The following DPP6 variants were observed in gnomAD, a reference collection of about 807,000 sequenced individuals.
The protein encoded by DPP6 is dipeptidyl peptidase like 6.
Under a neutral mutation model 122.6 loss-of-function variants are expected in DPP6, and 69 were observed. The observed-to-expected ratio is 0.56, with a 90% confidence interval of 0.46 to 0.69. The LOEUF (loss-of-function observed/expected upper bound fraction) is 0.69, where lower values mean the gene tolerates loss of function less well. Among genes scored for constraint, DPP6 ranks in the 30% least tolerant of loss-of-function variants. DPP6 has a pLI of 0.00. For synonymous variants in DPP6, 418 were observed against 433.1 expected (o/e 0.97, Z 0.43); for missense variants, 928 against 1,116.9 (o/e 0.83, Z 2.41).
chr7:154,392,658 C>T (rs973221444), intron 1 of DPP6, among the ~76,000 whole-genome samples: 1 of 152,176 alleles, frequency 6.6e-6, no homozygotes, highest in Admixed American at 6.5e-5. Context: ...CTTGTTAGTC[C>T]TCAGTTAATT....
chr7:154,214,841 C>G (rs1394966090), intron 1 of DPP6, among the ~76,000 whole-genome samples: 1 of 152,074 alleles, frequency 6.6e-6, no homozygotes, highest in Admixed American at 6.5e-5. Context: ...TGGCTTGAGT[C>G]CAGAAAGTCA....
chr7:154,305,642 G>T (rs953993954), intron 1 of DPP6: 3 of 1,495,486 alleles, frequency 2.0e-6, no homozygotes, highest in Admixed American at 2.0e-5. Flanking sequence ...GAGACAGAGA[G>T]GGAGGATATG....
At chr7:154,023,539 T>C (rs984410341) in intron 1 of DPP6, among the ~76,000 whole-genome samples, 1 of 151,676 alleles carries the variant, frequency 6.6e-6, no homozygotes, top group Non-Finnish European at 1.5e-5. Flanking sequence ...TGGAGTCCAA[T>C]GGTACGATCT....
At chr7:154,272,558 G>C (rs1186407467) in intron 1 of DPP6, among the ~76,000 whole-genome samples, 2 of 152,130 alleles carry the variant, frequency 1.3e-5, no homozygotes, top group African/African-American at 4.8e-5. Flanking sequence ...ATTCAATTTT[G>C]AAAATTGGGG....
At chr7:154,273,332 G>T (rs1481456745) in intron 1 of DPP6, among the ~76,000 whole-genome samples, 1 of 152,110 alleles carries the variant, frequency 6.6e-6, no homozygotes, top group African/African-American at 2.4e-5. Flanking sequence ...CAGGACCACA[G>T]GCACACATCC....
chr7:154,146,409 G>A (rs1186601803), intron 1 of DPP6, among the ~76,000 whole-genome samples: 1 of 147,304 alleles, frequency 6.8e-6, no homozygotes, highest in East Asian at 2.1e-4. Flanking sequence ...TGTGTACCCT[G>A]ATACCTAACA....
intron 3 of DPP6, among the ~76,000 whole-genome samples, chr7:154,484,250 G>C (rs1204030397): frequency 6.6e-6 from 1 of 152,200 alleles, no homozygotes; most frequent in African/African-American, 2.4e-5. Context: ...CACCGCATCT[G>C]TGACCAACAG....
chr7:154,176,624 G>A (rs1358625431), intron 1 of DPP6, among the ~76,000 whole-genome samples: 2 of 152,184 alleles, frequency 1.3e-5, no homozygotes, highest in Non-Finnish European at 2.9e-5. Flanking sequence ...CAGAAGCACT[G>A]CTCTTGTCTG....
chr7:154,605,893 C>T lies in DPP6; in HGVS notation c.628-31928C>T, dbSNP rs1258702680. Among the ~76,000 whole-genome samples, 2 of 119,460 alleles carry T rather than the reference C, an allele frequency of 1.7e-5. 1 individual carries two copies. Among genetic ancestry groups the T allele is most frequent in the Admixed American group, 1.9e-4 (2 of 10,592 alleles). The allele number at this position is 119,460 out of a possible 152,430, so 78.4% of individuals were successfully genotyped here. ...CTTGATACGGAGTGTTCATTACATT[C>T]AATGCTAAATATTTCATATTTTGCA... On this transcript the variant is annotated intron_variant, in intron 5 of 25. Transcript: ENST00000377770.
chr7:154,704,347 TAAG>T (rs1840703530), intron 7 of DPP6, among the ~76,000 whole-genome samples: 1 of 152,220 alleles, frequency 6.6e-6, no homozygotes, highest in Admixed American at 6.5e-5. Context: ...GTGAAGATGC[TAAG>T]AATATTGTGG....
the DPP6 span, among the ~76,000 whole-genome samples, chr7:153,847,159 TTTG>T: frequency 2.6e-5 from 4 of 152,200 alleles, no homozygotes; most frequent in African/African-American, 7.2e-5. Context: ...TTTCCATTAG[TTTG>T]TTTTTATTTT....
chr7:154,045,505 C>G (rs368198222), intron 1 of DPP6, among the ~76,000 whole-genome samples: 1 of 152,224 alleles, frequency 6.6e-6, no homozygotes, highest in Non-Finnish European at 1.5e-5. Context: ...ACAGGGCCCA[C>G]GAATCTGCAT....
At chr7:154,132,009 C>A (rs1795306821) in intron 1 of DPP6, among the ~76,000 whole-genome samples, 1 of 152,166 alleles carries the variant, frequency 6.6e-6, no homozygotes, top group Non-Finnish European at 1.5e-5. Flanking sequence ...TTTTGAGGGA[C>A]AAATTTGGCA....
At chr7:153,913,288 G>A (rs1343550839) in intron 1 of DPP6, among the ~76,000 whole-genome samples, 2 of 152,048 alleles carry the variant, frequency 1.3e-5, no homozygotes, top group Non-Finnish European at 1.5e-5. Flanking sequence ...TCAGCCAGCA[G>A]GTCTCAAACT....
chr7:154,087,887 CA>C (rs1474331965), intron 1 of DPP6, among the ~76,000 whole-genome samples: 1 of 152,210 alleles, frequency 6.6e-6, no homozygotes, highest in Non-Finnish European at 1.5e-5. Context: ...ATCCTGAGAA[CA>C]GGGGCCACCT....
chr7:154,448,793 A>G (rs1820107472), intron 2 of DPP6, among the ~76,000 whole-genome samples: 2 of 152,316 alleles, frequency 1.3e-5, no homozygotes, highest in South Asian at 4.1e-4. Context: ...TTTTTTGACA[A>G]GGGAGTCAAG....
At chr7:154,720,566 C>G (rs926947566) in intron 7 of DPP6, among the ~76,000 whole-genome samples, 4 of 152,158 alleles carry the variant, frequency 2.6e-5, no homozygotes, top group African/African-American at 9.7e-5. Flanking sequence ...TGTCAGAGAG[C>G]ACATGCCCCA....
At chr7:153,841,738 T>C in the DPP6 span, among the ~76,000 whole-genome samples, 9 of 152,218 alleles carry the variant, frequency 5.9e-5, no homozygotes, top group Non-Finnish European at 1.0e-4. Flanking sequence ...GAAGAACAGA[T>C]CGTTAAGAAA....
At chr7:154,172,061 TG>T (rs1298750082) in intron 1 of DPP6, among the ~76,000 whole-genome samples, 3 of 152,124 alleles carry the variant, frequency 2.0e-5, no homozygotes, top group Non-Finnish European at 4.4e-5. Flanking sequence ...TTCTGTCTGC[TG>T]TTGAAAAGGA....
Sources: allele counts gnomAD v4.1 joint callset (sites outside exome capture counted in the v4.1 genomes callset), GRCh38; gene constraint gnomAD v4.1.1; transcripts MANE v1.5; gene names NCBI Gene and HGNC (gene_info 2026-07-23, HGNC 2026-07-21).